CTNNA2: variants seen among roughly 807,000 people sequenced by gnomAD.
CTNNA2 encodes the protein catenin alpha 2.
In CTNNA2, 42 loss-of-function variants were observed where a neutral mutation model predicts 101.0. That is an observed-to-expected ratio of 0.42 (90% CI 0.32 to 0.54). The LOEUF is 0.54. CTNNA2 is among the 20% of genes least tolerant of loss of function. CTNNA2 has a pLI of 0.14. For missense variants in CTNNA2, 871 were observed against 1,223.1 expected (o/e 0.71, Z 4.29); for synonymous variants, 450 against 456.4 (o/e 0.99, Z 0.18).
chr2:79,969,507 C>T (rs1244055624), intron 7 of CTNNA2, among the ~76,000 whole-genome samples: 1 of 152,190 alleles, frequency 6.6e-6, no homozygotes, highest in Non-Finnish European at 1.5e-5. Context: ...AAAGAAATTA[C>T]AGGTTTGTTT....
chr2:80,197,717 G>A (rs1169144146), intron 7 of CTNNA2, among the ~76,000 whole-genome samples: 2 of 151,990 alleles, frequency 1.3e-5, no homozygotes, highest in African/African-American at 4.8e-5. Context: ...AGCCTTTCTC[G>A]GTCCAGTCAG....
At chr2:79,372,524 G>A (rs1677895842) in intron 3 of CTNNA2, among the ~76,000 whole-genome samples, 1 of 152,106 alleles carries the variant, frequency 6.6e-6, no homozygotes. Context: ...TAGAAAGGGG[G>A]AAAAGGATTT....
intron 9 of CTNNA2, among the ~76,000 whole-genome samples, chr2:80,512,085 G>A (rs186060910): frequency 7.0e-6 from 1 of 142,914 alleles, no homozygotes; most frequent in East Asian, 2.1e-4. Flanking sequence ...AGGAGGTAAA[G>A]GTTGCAGTGA....
intron 9 of CTNNA2, among the ~76,000 whole-genome samples, chr2:80,427,154 G>A (rs1681068922): frequency 6.6e-6 from 1 of 152,032 alleles, no homozygotes; most frequent in African/African-American, 2.4e-5. Flanking sequence ...AATAATAAAT[G>A]TAGCCAGTGA....
intron 1 of CTNNA2, among the ~76,000 whole-genome samples, chr2:79,636,632 G>T (rs1479621846): frequency 1.3e-5 from 2 of 152,064 alleles, no homozygotes; most frequent in East Asian, 3.9e-4. Context: ...TTTTTATTTA[G>T]ATAAGGAATG....
chr2:80,134,046 AAAT>A (rs1308893291), intron 7 of CTNNA2, among the ~76,000 whole-genome samples: 1 of 152,164 alleles, frequency 6.6e-6, no homozygotes, highest in Non-Finnish European at 1.5e-5. Flanking sequence ...GGTGTTCAAT[AAAT>A]AATTGCCATT....
chr2:80,421,796 T>G (rs927509779), intron 9 of CTNNA2, among the ~76,000 whole-genome samples: 2 of 136,584 alleles, frequency 1.5e-5, no homozygotes, highest in African/African-American at 5.7e-5. Context: ...CAAGTTTGCA[T>G]ATATACAAAA....
intron 7 of CTNNA2, among the ~76,000 whole-genome samples, chr2:80,365,830 C>T (rs528970594): frequency 1.5e-4 from 23 of 152,228 alleles, no homozygotes; most frequent in African/African-American, 4.1e-4. Context: ...AAAACAATTT[C>T]CCCCTACAGT....
At chr2:79,704,117 A>G (rs1260460572) in intron 2 of CTNNA2, among the ~76,000 whole-genome samples, 1 of 152,208 alleles carries the variant, frequency 6.6e-6, no homozygotes, top group East Asian at 1.9e-4. Context: ...ATATATATTC[A>G]TCATTGTATT....
chr2:80,058,061 A>G (rs563343351), intron 7 of CTNNA2, among the ~76,000 whole-genome samples: 16 of 152,370 alleles, frequency 1.1e-4, no homozygotes, highest in African/African-American at 3.8e-4. Context: ...ATAAGTATGT[A>G]TAGTGAGTGG....
intron 12 of CTNNA2, among the ~76,000 whole-genome samples, chr2:80,559,281 C>A (rs3770308): frequency 6.6e-6 from 1 of 152,118 alleles, no homozygotes; most frequent in East Asian, 1.9e-4. Flanking sequence ...TGTAAAAGGG[C>A]AGAATAATCA....
chr2:80,438,624 A>G (rs1682266447), intron 9 of CTNNA2, among the ~76,000 whole-genome samples: 1 of 152,148 alleles, frequency 6.6e-6, no homozygotes, highest in Non-Finnish European at 1.5e-5. Flanking sequence ...AAATATCTTC[A>G]AACTTTTCAA....
chr2:80,449,226 A>C (rs1429594635), intron 9 of CTNNA2, among the ~76,000 whole-genome samples: 3 of 152,232 alleles, frequency 2.0e-5, no homozygotes, highest in South Asian at 2.1e-4. Context: ...GTAGTGAGCT[A>C]TGATCAATCA....
intron 4 of CTNNA2, among the ~76,000 whole-genome samples, chr2:79,408,999 T>C (rs185096605): frequency 1.3e-5 from 2 of 151,954 alleles, no homozygotes; most frequent in East Asian, 3.9e-4. Flanking sequence ...TTCTAACTGG[T>C]GTGAGATGGT....
intron 7 of CTNNA2, among the ~76,000 whole-genome samples, chr2:80,390,329 C>T (rs1677391408): frequency 6.6e-6 from 1 of 152,228 alleles, no homozygotes; most frequent in African/African-American, 2.4e-5. Flanking sequence ...GTGTTCTGGT[C>T]TATTCCCCTG....
Position 79,399,537 on chromosome 2 carries a change from A to G in CTNNA2, c.-135+25524A>G, listed in dbSNP as rs534276764. Among the ~76,000 whole-genome samples the G allele has an allele frequency of 1.8e-4, 28 of 152,282 alleles. No homozygotes were observed. In the South Asian group the frequency reaches 5.6e-3, roughly 30 times the overall value. On this transcript the variant is annotated intron_variant, in intron 4 of 21. Coordinates refer to the CTNNA2 transcript ENST00000466387. ...GAAGGTAACCAAATAGAAATATCAT[A>G]GACCACACACAACAAAGAATACAGA... is the stretch of plus-strand genomic sequence containing the variant.
At chr2:79,990,210 C>G (rs1692070881) in intron 7 of CTNNA2, among the ~76,000 whole-genome samples, 1 of 152,014 alleles carries the variant, frequency 6.6e-6, no homozygotes. Flanking sequence ...CAGCGCAACC[C>G]CAGGGAACAA....
At chr2:80,320,502 G>A (rs554005810) in intron 7 of CTNNA2, among the ~76,000 whole-genome samples, 2 of 152,116 alleles carry the variant, frequency 1.3e-5, no homozygotes, top group Non-Finnish European at 2.9e-5. Context: ...AGAGTAATTG[G>A]GTGAGGAACA....
At chr2:80,615,096 G>T (rs1365696477) in intron 17 of CTNNA2, among the ~76,000 whole-genome samples, 1 of 151,356 alleles carries the variant, frequency 6.6e-6, no homozygotes, top group East Asian at 1.9e-4. Context: ...AAAGAGAAGG[G>T]ATATTGAAAT....
Sources: gnomAD v4.1 joint callset for allele counts (sites outside exome capture counted in the v4.1 genomes callset) on GRCh38, gnomAD v4.1.1 for gene constraint, MANE v1.5 for transcripts, NCBI Gene and HGNC (gene_info 2026-07-23, HGNC 2026-07-21) for gene names.